The following MUC5AC variants were observed in gnomAD, a reference collection of about 807,000 sequenced individuals.
The protein encoded by MUC5AC is mucin 5AC, oligomeric mucus/gel-forming, also known as mucin-5AC.
A neutral mutation model predicts 169.7 loss-of-function variants in MUC5AC; 158 were observed. That is an observed-to-expected ratio of 0.93 (90% confidence interval 0.82 to 1.06). MUC5AC has a LOEUF of 1.06. MUC5AC is among the 50% of genes least tolerant of loss of function. The pLI, the probability that MUC5AC is intolerant of heterozygous loss-of-function variation, is 0.00. For missense variants in MUC5AC, 4,359 were observed against 3,089.9 expected, an observed-to-expected ratio of 1.41 and a Z score of -9.74; for synonymous variants, 1,975 against 1,237.0, an observed-to-expected ratio of 1.60 and a Z score of -12.52.
In MUC5AC at chr11:1,183,588, G is replaced by A. The variant is rs1860860410; in HGVS notation, c.5443G>A (p.Glu1815Lys). The change falls in exon 31 of 49, where the codon GAG (glutamate) becomes AAG (lysine). Residue 1815 changes from glutamate (E) to lysine (K), a missense_variant. By Grantham distance (56) the Glu-to-Lys change is moderately conservative. Transcript: ENST00000621226. Reference protein sequence around the residue: ...LGQVVQCSREEGLVCRNQDQQ... With the variant: ...LGQVVQCSREKGLVCRNQDQQ... ...CCAGGTGGTGCAGTGCAGCCGGGAAGAGGGCCTGGTGTGCCGGAACCAGGA... is the reference window on the plus strand; with the variant it reads ...CCAGGTGGTGCAGTGCAGCCGGGAAAAGGGCCTGGTGTGCCGGAACCAGGA... 4.6e-6 allele frequency: 3 copies of A among 646,678 alleles called. No homozygotes were observed. Among genetic ancestry groups the A allele is most frequent in the Non-Finnish European group, 2.8e-6 (1 of 360,734 alleles). The allele number at this position is 646,678 out of a possible 1,614,324, so 40.1% of individuals were successfully genotyped here.
chr11:1,197,520 C>G lies in MUC5AC; in HGVS notation c.15914C>G (p.Thr5305Arg), dbSNP rs555320032. Residue 5305 changes from threonine to arginine, a missense_variant, in exon 41 of 49, where the codon ACG (threonine) becomes AGG (arginine). Physicochemically the swap from Thr to Arg is moderately conservative, Grantham distance 71 (BLOSUM62 -1). Transcript: ENST00000621226. ...DCQECTCEAA[T>R]WTLTCRPKLC... ...CAGGAGTGCACGTGTGAGGCGGCCACGTGGACGCTGACCTGCCGACCCAAG... is the reference window on the plus strand; with the variant it reads ...CAGGAGTGCACGTGTGAGGCGGCCAGGTGGACGCTGACCTGCCGACCCAAG... 1.4e-6 allele frequency: 1 copy of G among 716,648 alleles called. No homozygotes were observed. Among genetic ancestry groups the G allele is most frequent in the Admixed American group, 1.9e-5 (1 of 52,126 alleles). 44.4% of individuals were successfully genotyped at this position (716,648 alleles called of 1,614,324 possible).
intron 33 of MUC5AC, among the ~76,000 whole-genome samples, chr11:1,193,885 G>T (rs780284894): frequency 6.6e-6 from 1 of 152,240 alleles, no homozygotes; most frequent in African/African-American, 2.4e-5. Flanking sequence ...GCTGGAGAAG[G>T]TGGAGGAGTC....
At chr11:1,169,696 CCACT>C (rs1375695752) in intron 15 of MUC5AC, among the ~76,000 whole-genome samples, 4 of 144,764 alleles carry the variant, frequency 2.8e-5, no homozygotes, top group South Asian at 4.6e-4. Flanking sequence ...ACCCATTCAC[CCACT>C]CACTCACCTC....
intron 1 of MUC5AC, 125 bp from the exon 2 acceptor site, chr11:1,160,487 G>T: frequency 1.3e-6 from 1 of 750,374 alleles, no homozygotes; most frequent in Non-Finnish European, 2.3e-6. Flanking sequence ...GAGAGCCCTT[G>T]CCACGGGCCA....
intron 43 of MUC5AC, among the ~76,000 whole-genome samples, 200 bp from the exon 44 acceptor site, chr11:1,198,674 C>G (rs1238671649): frequency 6.6e-6 from 1 of 152,148 alleles, no homozygotes; most frequent in Non-Finnish European, 1.5e-5. Context: ...GGGCTCTGCT[C>G]TAGGGATGGG....
At position 1,185,014 on chromosome 11, in the gene MUC5AC, C is replaced by A. The variant is rs1403571967; in HGVS notation, c.6869C>A (p.Thr2290Asn). Reference sequence around the variant, plus strand: ...GCCAGAACAACCTCTGCTCCTACAACCAGAACAACCTCTGCCTCTCCAGCC... The same window carrying A: ...GCCAGAACAACCTCTGCTCCTACAAACAGAACAACCTCTGCCTCTCCAGCC... The part of the protein sequence containing the change: ...PTARTTSAPT[T>N]RTTSASPAST... Residue 2290 changes from threonine to asparagine, a missense_variant, in exon 31 of 49, where the codon ACC becomes AAC. Transcript: ENST00000621226. 26 of 682,734 alleles carry A rather than the reference C, an allele frequency of 3.8e-5. No homozygotes were observed. Among genetic ancestry groups the A allele is most frequent in the African/African-American group, 3.0e-4 (17 of 55,852 alleles). 42.3% of individuals were successfully genotyped at this position (682,734 alleles called of 1,614,324 possible).
rs1860683642 is a variant in MUC5AC, at chr11:1,176,200, G to A, written c.2451G>A (p.Gly817=). Residue 817 remains glycine, a synonymous_variant, in exon 20 of 49, where the codon GGG becomes GGA. Coordinates refer to ENST00000621226, the MANE Select transcript of MUC5AC (RefSeq NM_001304359.2). ...TTGACTGCCGAAATGCCACGCCCGG[G>A]GACACAGGGGCTGGCTGTCAGAAGA... ...VFFDCRNATP[G]DTGAGCQKSC... 5.0e-6 allele frequency: 2 copies of A among 398,568 alleles called. No individual in the cohort carries two copies. Among genetic ancestry groups the A allele is most frequent in the Admixed American group, 8.8e-5 (2 of 22,718 alleles). 24.7% of individuals were successfully genotyped at this position (398,568 alleles called of 1,614,324 possible).
chr11:1,175,575 TCA>T (rs1339011271), intron 19 of MUC5AC, among the ~76,000 whole-genome samples: 25 of 111,960 alleles, frequency 2.2e-4, no homozygotes, highest in Admixed American at 6.4e-4. Flanking sequence ...ATGCACATGC[TCA>T]CACACCCACT....
At position 1,168,477 on chromosome 11, in the gene MUC5AC, C is replaced by G. The variant is rs145761839; in HGVS notation, c.1498-6C>G. The G allele has an allele frequency of 2.5e-6, 4 of 1,612,100 alleles. No individual in the cohort carries two copies. The highest frequency in any genetic ancestry group is 2.2e-5 in the South Asian group (2 of 91,000). On this transcript the variant is annotated splice_region_variant and splice_polypyrimidine_tract_variant and intron_variant, in intron 12 of 48. Coordinates refer to ENST00000621226, the MANE Select transcript of MUC5AC (RefSeq NM_001304359.2). ...CGCGCTCACACATCTGTCTGGCTGCCCTCAGGTGGTGGTGATCAAGGCCAG... is the reference window on the plus strand; with the variant it reads ...CGCGCTCACACATCTGTCTGGCTGCGCTCAGGTGGTGGTGATCAAGGCCAG...
intron 13 of MUC5AC, 33 bp from the exon 14 acceptor site, chr11:1,168,609 C>T (rs1860401875): frequency 6.2e-7 from 1 of 1,612,276 alleles, no homozygotes; most frequent in Non-Finnish European, 8.5e-7. Flanking sequence ...GCCCCACAGC[C>T]CCCAGCAAAA....
rs1860155371 is a variant in MUC5AC, at chr11:1,162,004, C to T, written c.309C>T (p.Cys103=). The T allele has an allele frequency of 3.1e-6, 5 of 1,612,558 alleles. No homozygotes were observed. The Admixed American group carries it at 6.7e-5, about 22-fold the overall frequency. The part of the protein sequence containing the change: ...DGDVFRFPGL[C]NYVFSEHCGA... ...ACGTCTTCCGCTTCCCCGGCCTCTGCAACTACGTGTTCTCCGAGCACTGCG... is the reference window on the plus strand; with the variant it reads ...ACGTCTTCCGCTTCCCCGGCCTCTGTAACTACGTGTTCTCCGAGCACTGCG... The change falls in exon 4 of 49, where the codon TGC becomes TGT. Residue 103 remains cysteine, a synonymous_variant. Coordinates refer to ENST00000621226, the MANE Select transcript of MUC5AC (RefSeq NM_001304359.2).
chr11:1,170,385 C>T (rs1372388791), intron 15 of MUC5AC, among the ~76,000 whole-genome samples: 16,075 of 129,268 alleles, frequency 0.12, 1,441 homozygotes, highest in Non-Finnish European at 0.16. Context: ...GCCCACTCAC[C>T]CACTCACCCA....
intron 1 of MUC5AC, among the ~76,000 whole-genome samples, chr11:1,160,247 G>GGGA (rs1035713752): frequency 2.0e-5 from 3 of 152,236 alleles, no homozygotes; most frequent in African/African-American, 7.2e-5. Context: ...GCCCCTCAGT[G>GGGA]GGATCACTGT....
At chr11:1,195,518 C>T (rs1191365734) in intron 36 of MUC5AC, among the ~76,000 whole-genome samples, 1 of 151,964 alleles carries the variant, frequency 6.6e-6, no homozygotes, top group Non-Finnish European at 1.5e-5. Context: ...GCCAAGGGGT[C>T]ACCAGGGTTG....
At position 1,174,526 on chromosome 11, in the gene MUC5AC, C is replaced by A. The variant is rs1009024939; in HGVS notation, c.1996C>A (p.Arg666=). 24 of 1,562,436 alleles carry A rather than the reference C, an allele frequency of 1.5e-5. No homozygotes were observed. The African/African-American group carries it at 1.8e-4, about 11-fold the overall frequency. ...NCMFDTCNCE[R]SEDCLCAALS... is the part of the protein sequence containing the mutation. ...CATGTTTGACACCTGCAACTGTGAG[C>A]GGAGCGAGGACTGCCTGTGCGCCGC... Residue 666 remains arginine (R), a synonymous_variant, in exon 17 of 49, where the codon CGG becomes AGG. Coordinates refer to ENST00000621226, the MANE Select transcript of MUC5AC (RefSeq NM_001304359.2).
In MUC5AC at chr11:1,185,945, C is replaced by A; in HGVS notation, c.7800C>A (p.Pro2600=). The A allele has an allele frequency of 1.4e-6, 1 of 732,030 alleles. No homozygotes were observed. Among genetic ancestry groups the A allele is most frequent in the East Asian group, 2.5e-5 (1 of 39,840 alleles). The allele number at this position is 732,030 out of a possible 1,614,324, so 45.3% of individuals were successfully genotyped here. A position where few individuals can be genotyped will look rare whatever the true frequency, so the allele number is the denominator to read the frequency against. The change falls in exon 31 of 49, where the codon CCC becomes CCA. Residue 2600 remains proline, a synonymous_variant. Transcript: ENST00000621226. ...SGPGTTPSAV[P]TTSITSAPTT... ...CTGGAACTACTCCCAGTGCTGTTCCCACCACCAGCATAACCTCTGCACCTA... is the reference window on the plus strand; with the variant it reads ...CTGGAACTACTCCCAGTGCTGTTCCAACCACCAGCATAACCTCTGCACCTA...
At chr11:1,174,776 C>T (rs1247036823) in intron 17 of MUC5AC, 106 bp from the exon 18 acceptor site, 14 of 450,704 alleles carry the variant, frequency 3.1e-5, no homozygotes, top group African/African-American at 1.0e-4. Context: ...TGGACCCGGC[C>T]GAGGAGGGGA....
chr11:1,194,762 T>C, intron 35 of MUC5AC, 92 bp downstream of exon 35: 1 of 643,390 alleles, frequency 1.6e-6, no homozygotes, highest in Non-Finnish European at 2.8e-6. Context: ...CGTGTGCCGG[T>C]GTCTCTGCTT....
Position 1,197,474 on chromosome 11 carries a change from C to T in MUC5AC, c.15868C>T (p.His5290Tyr). The T allele has an allele frequency of 1.4e-6, 1 of 711,862 alleles. No homozygotes were observed. Among genetic ancestry groups the T allele is most frequent in the Admixed American group, 1.9e-5 (1 of 51,548 alleles). The allele number at this position is 711,862 out of a possible 1,614,324, so 44.1% of individuals were successfully genotyped here. A position where few individuals can be genotyped will look rare whatever the true frequency, so the allele number is the denominator to read the frequency against. The change falls in exon 41 of 49, where the codon CAC (histidine) becomes TAC (tyrosine). Residue 5290 changes from histidine to tyrosine, a missense_variant. By Grantham distance (83) the His-to-Tyr change is moderately conservative (BLOSUM62 2). Coordinates refer to ENST00000621226, the MANE Select transcript of MUC5AC (RefSeq NM_001304359.2). ...GPHGEPVKVG[H>Y]TVGMDCQECT... ...TCAGTCCCCTTCCTTGCAGGTGGGC[C>T]ACACCGTCGGCATGGACTGCCAGGA...
Sources: allele counts gnomAD v4.1 joint callset (sites outside exome capture counted in the v4.1 genomes callset), GRCh38; gene constraint gnomAD v4.1.1; transcripts MANE v1.5; gene names NCBI Gene and HGNC (gene_info 2026-07-23, HGNC 2026-07-21).